Variants in FCRLA observed in about 807,000 individuals in gnomAD.
The protein encoded by FCRLA is Fc receptor-like A.
In FCRLA, 26 loss-of-function variants were observed where a neutral mutation model predicts 28.4. The observed-to-expected ratio is 0.91, with a 90% confidence interval of 0.67 to 1.27. The LOEUF is 1.27. Among genes scored for constraint, FCRLA ranks in the 50% most tolerant of loss-of-function variants. The pLI, the probability that FCRLA is intolerant of heterozygous loss-of-function variation, is 0.00. For missense variants in FCRLA, 422 were observed against 433.1 expected, an observed-to-expected ratio of 0.97 and a Z score of 0.23; for synonymous variants, 174 against 168.5, an observed-to-expected ratio of 1.03 and a Z score of -0.25.
intron 1 of FCRLA, chr1:161,710,492 G>T: frequency 6.4e-7 from 1 of 1,550,698 alleles, no homozygotes; most frequent in Non-Finnish European, 8.7e-7. Flanking sequence ...ATGTCATGCC[G>T]GTGAGTTTCA....
rs776823916 is a variant in FCRLA, at chr1:161,713,247, A to G, written c.947A>G (p.His316Arg). Residue 316 changes from histidine (H) to arginine (R), a missense_variant, in exon 5 of 5, where the codon CAT (histidine) becomes CGT (arginine). By Grantham distance (29) the His-to-Arg change is conservative (BLOSUM62 0). Around this residue, in one of 3 missense-constraint regions of FCRLA, gnomAD observed 185 missense variants for 198.1 expected, o/e 0.93. Coordinates refer to ENST00000236938, the MANE Select transcript of FCRLA (RefSeq NM_032738.4). ...TCTCCTCTGGGGATGCCAGATCCTC[A>G]TCTGTATCACCAGATGGGCCTTCTT... is the stretch of plus-strand genomic sequence containing the variant. The part of the protein sequence containing the change: ...FSSPLGMPDP[H>R]LYHQMGLLLK... 1 of 1,614,130 alleles carries G rather than the reference A, an allele frequency of 6.2e-7. No individual in the cohort carries two copies. The highest frequency in any genetic ancestry group is 1.3e-5 in the African/African-American group (1 of 74,942).
chr1:161,712,573 T>G (rs923237321), intron 4 of FCRLA, among the ~76,000 whole-genome samples: 1 of 152,188 alleles, frequency 6.6e-6, no homozygotes, highest in Non-Finnish European at 1.5e-5. Flanking sequence ...GGAGCCACTG[T>G]TAAGAGGCTG....
chr1:161,710,134 G>A (rs1683021822), intron 1 of FCRLA, among the ~76,000 whole-genome samples: 1 of 152,170 alleles, frequency 6.6e-6, no homozygotes, highest in South Asian at 2.1e-4. Context: ...AAGTCCCCGA[G>A]GAAGGTCTGA....
intron 3 of FCRLA, 92 bp from the exon 4 acceptor site, chr1:161,711,842 A>G: frequency 7.1e-7 from 1 of 1,418,336 alleles, no homozygotes; most frequent in Non-Finnish European, 9.6e-7. Flanking sequence ...AACAGGGGAA[A>G]GGAAGTATGA....
rs750925984 is a variant in FCRLA at position 161,710,905 on chromosome 1, G to T, written c.225G>T (p.Val75=). The T allele has an allele frequency of 6.2e-7, 1 of 1,612,800 alleles. No individual in the cohort carries two copies. ...YTFSEPFHLI[V]SYDWLILQGP... ...TCAGTGAACCCTTCCACCTGATTGT[G>T]TCCTATGGTGAGGTCCTGGGAAGGC... The change falls in exon 2 of 5, where the codon GTG becomes GTT. Residue 75 remains valine, a synonymous_variant. Transcript: ENST00000236938.
chr1:161,710,253 G>T (rs931026305), intron 1 of FCRLA: 11 of 583,810 alleles, frequency 1.9e-5, no homozygotes, highest in Non-Finnish European at 3.1e-5. Flanking sequence ...TAAGCTTTGG[G>T]TATGTTAATT....
chr1:161,708,309 G>A (rs1469899055), intron 1 of FCRLA, among the ~76,000 whole-genome samples: 2 of 152,094 alleles, frequency 1.3e-5, no homozygotes, highest in African/African-American at 4.8e-5. Flanking sequence ...CAATCATTAG[G>A]TTTGGCCAAT....
In FCRLA at chr1:161,711,457, T is replaced by A; in HGVS notation, c.482T>A (p.Val161Glu). 1 of 1,613,626 alleles carries A rather than the reference T, an allele frequency of 6.2e-7. No homozygotes were observed. Among genetic ancestry groups the A allele is most frequent in the Non-Finnish European group, 8.5e-7 (1 of 1,179,690 alleles). Residue 161 changes from valine (V) to glutamate (E), a missense_variant, in exon 3 of 5, where the codon GTG becomes GAG. This residue lies in a region of FCRLA where 231 missense variants were observed against 214.6 expected (regional missense o/e 1.08). Transcript: ENST00000236938. ...GGGATCCCAGAAACAGCATCTGTTG[T>A]GGCTATCACAGTCCAAGGTGAGAGC... ...GPGIPETASV[V>E]AITVQELFPA...
At position 161,712,151 on chromosome 1, in the gene FCRLA, G is replaced by T; in HGVS notation, c.717G>T (p.Trp239Cys). ...TASEDHSGSYWCEAATEDNQV... is the reference protein window; with the variant it reads ...TASEDHSGSYCCEAATEDNQV... Reference sequence around the variant, plus strand: ...CAGAAGATCACTCCGGGTCATACTGGTGTGAGGCAGCCACTGAGGACAACC... The same window carrying T: ...CAGAAGATCACTCCGGGTCATACTGTTGTGAGGCAGCCACTGAGGACAACC... The change falls in exon 4 of 5, where the codon TGG (tryptophan) becomes TGT (cysteine). Residue 239 changes from tryptophan (W) to cysteine (C), a missense_variant. Physicochemically the swap from Trp to Cys is radical, Grantham distance 215. Transcript: ENST00000236938. The T allele has an allele frequency of 6.2e-7, 1 of 1,614,212 alleles. No homozygotes were observed. The highest frequency in any genetic ancestry group is 1.1e-5 in the South Asian group (1 of 91,084).
chr1:161,713,197 A>G lies in FCRLA; in HGVS notation c.897A>G (p.Pro299=), dbSNP rs779116910. The change falls in exon 5 of 5, where the codon CCA becomes CCG. Residue 299 remains proline (P), a synonymous_variant. Coordinates refer to ENST00000236938, the MANE Select transcript of FCRLA (RefSeq NM_032738.4). The part of the protein sequence containing the change: ...APGPLPPPPT[P]SSEDPGFSSP... ...GGCCTCTGCCTCCGCCGCCAACCCCATCTTCTGAGGATCCAGGCTTTTCTT... is the reference window on the plus strand; with the variant it reads ...GGCCTCTGCCTCCGCCGCCAACCCCGTCTTCTGAGGATCCAGGCTTTTCTT... The G allele has an allele frequency of 6.2e-7, 1 of 1,614,124 alleles. No homozygotes were observed. The highest frequency in any genetic ancestry group is 1.7e-5 in the Admixed American group (1 of 60,016).
intron 2 of FCRLA, 125 bp from the exon 3 acceptor site, chr1:161,711,083 C>A: frequency 1.4e-6 from 2 of 1,452,650 alleles, no homozygotes; most frequent in Admixed American, 2.2e-5. Context: ...GAAGTTGTCC[C>A]ATACTCCCAA....
intron 3 of FCRLA, chr1:161,711,685 C>A: frequency 1.4e-6 from 1 of 736,790 alleles, no homozygotes. Flanking sequence ...GTTCCTACCA[C>A]CCAGATCTAT....
At chr1:161,710,188 T>C in intron 1 of FCRLA, 1 of 475,974 alleles carries the variant, frequency 2.1e-6, no homozygotes, top group Middle Eastern at 6.0e-4. Context: ...AAAAAGAACA[T>C]TGATTTTGGA....
Position 161,711,900 on chromosome 1 carries a change from C to T in FCRLA, c.500-34C>T, listed in dbSNP as rs780056498. ...ATGTGTCTACCTGTATATAAGATGG[C>T]TGAGCTCTTCTTTCCTGCCTATCTT... On this transcript the variant is annotated intron_variant, in intron 3 of 4. Coordinates refer to ENST00000236938, the MANE Select transcript of FCRLA (RefSeq NM_032738.4). 2.1e-5 allele frequency: 33 copies of T among 1,576,246 alleles called. No homozygotes were observed. The Admixed American group carries it at 5.7e-4, about 27-fold the overall frequency.
Position 161,707,322 on chromosome 1 carries a change from T to TG in FCRLA, c.61dup (p.Val21GlyfsTer11). 1 of 1,606,830 alleles carries TG rather than the reference T, an allele frequency of 6.2e-7. No individual in the cohort carries two copies. The highest frequency in any genetic ancestry group is 8.5e-7 in the Non-Finnish European group (1 of 1,177,662). ...CCTCTACCTTTCCCTTGGTGTGCTC[T>TG]GGGTGGCCCAGATGCTACTGGGTAA... On this transcript the variant is annotated frameshift_variant, in exon 1 of 5. Coordinates refer to ENST00000236938, the MANE Select transcript of FCRLA (RefSeq NM_032738.4). LOFTEE classifies it high-confidence loss of function.
Position 161,710,787 on chromosome 1 carries a change from A to G in FCRLA, c.107A>G (p.Glu36Gly). ...GCCAGTTTTGAGACGCTGCAGTGTG[A>G]GGGACCTGTCTGCACTGAGGAGAGC... is the stretch of plus-strand genomic sequence containing the variant. ...LAASFETLQC[E>G]GPVCTEESSC... is the part of the protein sequence containing the mutation. Residue 36 changes from glutamate (E) to glycine (G), a missense_variant, in exon 2 of 5, where the codon GAG becomes GGG. Glu to Gly is a moderately conservative substitution (Grantham distance 98). This residue lies in a region of FCRLA where 231 missense variants were observed against 214.6 expected (regional missense o/e 1.08). Coordinates refer to ENST00000236938, the MANE Select transcript of FCRLA (RefSeq NM_032738.4). The G allele has an allele frequency of 6.2e-7, 1 of 1,614,126 alleles. No individual in the cohort carries two copies.
intron 4 of FCRLA, 105 bp from the exon 5 acceptor site, chr1:161,712,980 G>A (rs1683177767): frequency 7.6e-7 from 1 of 1,322,358 alleles, no homozygotes. Context: ...GCTGCCATTG[G>A]GCCCCACAGC....
chr1:161,711,851 G>A, intron 3 of FCRLA, 83 bp from the exon 4 acceptor site: 2 of 1,462,586 alleles, frequency 1.4e-6, no homozygotes, highest in Non-Finnish European at 9.2e-7. Context: ...AAGGAAGTAT[G>A]ACTCCCCAAG....
chr1:161,711,570 C>T, intron 3 of FCRLA, 96 bp downstream of exon 3: 1 of 1,456,564 alleles, frequency 6.9e-7, no homozygotes, highest in Non-Finnish European at 9.2e-7. Context: ...GCAAGATCAT[C>T]AACAGACTAT....
Sources: gnomAD v4.1 joint callset for allele counts (sites outside exome capture counted in the v4.1 genomes callset) on GRCh38, gnomAD v4.1.1 for gene constraint, gnomAD v4.1.1 regional missense constraint, MANE v1.5 for transcripts, NCBI Gene and HGNC (gene_info 2026-07-23, HGNC 2026-07-21) for gene names.